Variants in TUSC3 observed in about 807,000 individuals in gnomAD.
The protein encoded by TUSC3 is tumor suppressor candidate 3.
In TUSC3, 45 loss-of-function variants were observed where a neutral mutation model predicts 44.8. The observed-to-expected ratio is 1.00, with a 90% CI of 0.79 to 1.29. The LOEUF is 1.29. TUSC3 is among the 50% of genes most tolerant of loss of function. TUSC3 has a pLI of 0.00. For missense variants in TUSC3, 519 were observed against 437.9 expected, an observed-to-expected ratio of 1.19 and a Z score of -1.65; for synonymous variants, 212 against 152.9, an observed-to-expected ratio of 1.39 and a Z score of -2.85.
intron 1 of TUSC3, among the ~76,000 whole-genome samples, chr8:15,544,400 T>C (rs188590330): frequency 6.6e-5 from 10 of 151,880 alleles, no homozygotes; most frequent in East Asian, 3.9e-4. Context: ...GCAGCTGTTA[T>C]AATAATTAAT....
intron 6 of TUSC3, among the ~76,000 whole-genome samples, chr8:15,676,240 C>G (rs1010972624): frequency 6.6e-6 from 1 of 152,080 alleles, no homozygotes; most frequent in African/African-American, 2.4e-5. Flanking sequence ...TGTGGAGCAT[C>G]TTTGCATATA....
chr8:15,671,895 G>A (rs1807960916), intron 5 of TUSC3, among the ~76,000 whole-genome samples: 1 of 151,860 alleles, frequency 6.6e-6, no homozygotes, highest in Non-Finnish European at 1.5e-5. Flanking sequence ...AGCTGAGGAT[G>A]GCAAGCCTCT....
chr8:15,707,847 T>G (rs1185060905), intron 6 of TUSC3, among the ~76,000 whole-genome samples: 1 of 151,866 alleles, frequency 6.6e-6, no homozygotes, highest in African/African-American at 2.4e-5. Flanking sequence ...ATCAAAAGAT[T>G]AGCGGGGTTG....
Position 15,428,498 on chromosome 8 carries a change from C to G in TUSC3, n.91+11193C>G, listed in dbSNP as rs531798177. Among the ~76,000 whole-genome samples the G allele has an allele frequency of 6.9e-3, 1,049 of 152,104 alleles. 10 individuals are homozygous for G. Among genetic ancestry groups the G allele is most frequent in the African/African-American group, 0.024 (983 of 41,488 alleles). The stretch of plus-strand genomic sequence containing the variant: ...GGGTATATACCCAGTAATGGGATGG[C>G]TGGGTCAAATGGTATTTCTAGTTCT... On this transcript the variant is annotated intron_variant and non_coding_transcript_variant, in intron 1 of 5. Coordinates refer to the TUSC3 transcript ENST00000503191.
the TUSC3 span, among the ~76,000 whole-genome samples, chr8:15,840,448 T>A: frequency 1.3e-5 from 2 of 152,072 alleles, no homozygotes; most frequent in Non-Finnish European, 2.9e-5. Flanking sequence ...GAATGAAAAG[T>A]CTTTGAGATA....
intron 2 of TUSC3, among the ~76,000 whole-genome samples, chr8:15,630,253 T>G (rs1015917762): frequency 2.0e-5 from 3 of 152,100 alleles, no homozygotes; most frequent in African/African-American, 7.2e-5. Context: ...AAAGTTTTGG[T>G]GATGTGTTGG....
intron 1 of TUSC3, among the ~76,000 whole-genome samples, chr8:15,471,335 G>T (rs546712339): frequency 1.4e-4 from 21 of 152,094 alleles, no homozygotes; most frequent in African/African-American, 4.6e-4. Flanking sequence ...CTTCACTCTT[G>T]TTAATATAAA....
At chr8:15,552,938 G>C (rs1484690902) in intron 1 of TUSC3, among the ~76,000 whole-genome samples, 2 of 151,578 alleles carry the variant, frequency 1.3e-5, no homozygotes, top group Non-Finnish European at 2.9e-5. Flanking sequence ...TGAGAATGAA[G>C]AAAAATACTT....
chr8:15,790,179 CTTTTTTTTTTTTTT>C, the TUSC3 span, among the ~76,000 whole-genome samples: 191 of 72,272 alleles, frequency 2.6e-3, 1 homozygote, highest in African/African-American at 0.011. Context: ...TTGTTAAGGC[CTTTTTTTTTTTTTT>C]TTTTTTTTTT....
At chr8:15,700,392 A>G (rs1196145861) in intron 6 of TUSC3, among the ~76,000 whole-genome samples, 1 of 152,176 alleles carries the variant, frequency 6.6e-6, no homozygotes, top group Non-Finnish European at 1.5e-5. Context: ...AATTTCTGAT[A>G]GAATATGAGA....
At chr8:15,650,065 C>T (rs1453186084) in intron 2 of TUSC3, among the ~76,000 whole-genome samples, 1 of 152,026 alleles carries the variant, frequency 6.6e-6, no homozygotes, top group Admixed American at 6.6e-5. Flanking sequence ...AAAATGTGTT[C>T]AAAGTAGAAA....
intron 6 of TUSC3, among the ~76,000 whole-genome samples, chr8:15,692,661 CTT>C (rs71211074): frequency 1.7e-4 from 24 of 143,322 alleles, no homozygotes; most frequent in Non-Finnish European, 1.2e-4. Flanking sequence ...TTTCTGAGGG[CTT>C]TTTTTTTTTT....
intron 5 of TUSC3, 146 bp downstream of exon 5, chr8:15,662,442 TTTGAG>T: frequency 8.5e-7 from 1 of 1,179,522 alleles, no homozygotes; most frequent in South Asian, 1.4e-5. Context: ...GATAATTTAG[TTTGAG>T]TTTTCTGTCA....
chr8:15,498,379 G>A (rs1800911632), intron 2 of TUSC3, among the ~76,000 whole-genome samples: 2 of 152,150 alleles, frequency 1.3e-5, no homozygotes, highest in Non-Finnish European at 2.9e-5. Context: ...GAGAGAAGGT[G>A]TTGGAGATGT....
downstream of TUSC3, among the ~76,000 whole-genome samples, chr8:15,769,837 TAGAG>T (rs1360223901): frequency 2.0e-5 from 3 of 152,180 alleles, no homozygotes; most frequent in Admixed American, 6.5e-5. Flanking sequence ...CACTGGGCAT[TAGAG>T]AGATGCAAAT....
At position 15,563,802 on chromosome 8, in the gene TUSC3, T is replaced by C. The variant is rs544379960; in HGVS notation, c.138+23234T>C. Among the ~76,000 whole-genome samples, 6 of 152,018 alleles carry C rather than the reference T, an allele frequency of 3.9e-5. No individual in the cohort carries two copies. In the South Asian group the frequency reaches 1.0e-3, roughly 26 times the overall value. ...TTGCATGATACTGAGAAAATAGTTA[T>C]TCATAAAAGTAAGCACTTGTAAATA... is the stretch of plus-strand genomic sequence containing the variant. On this transcript the variant is annotated intron_variant, in intron 1 of 10. Coordinates refer to ENST00000503731, the MANE Select transcript of TUSC3 (RefSeq NM_006765.4).
intron 10 of TUSC3, among the ~76,000 whole-genome samples, chr8:15,758,570 CA>C (rs1812033185): frequency 6.6e-6 from 1 of 151,922 alleles, no homozygotes; most frequent in Non-Finnish European, 1.5e-5. Flanking sequence ...TGTGGTAATA[CA>C]GCCTTCTTAC....
the TUSC3 span, among the ~76,000 whole-genome samples, chr8:15,818,783 A>G: frequency 6.6e-6 from 1 of 152,370 alleles, no homozygotes; most frequent in African/African-American, 2.4e-5. Flanking sequence ...ACAAATATGA[A>G]CTAGATTGCT....
intron 1 of TUSC3, among the ~76,000 whole-genome samples, chr8:15,426,295 G>A (rs1400655712): frequency 6.6e-6 from 1 of 152,120 alleles, no homozygotes; most frequent in Non-Finnish European, 1.5e-5. Context: ...AAATTTTGAA[G>A]TCCAAAATAC....
Sources: allele counts gnomAD v4.1 joint callset (sites outside exome capture counted in the v4.1 genomes callset), GRCh38; gene constraint gnomAD v4.1.1; transcripts MANE v1.5; gene names NCBI Gene and HGNC (gene_info 2026-07-23, HGNC 2026-07-21).